Variants in FBLN7 observed in about 807,000 individuals in gnomAD.
The protein encoded by FBLN7 is fibulin-7.
A neutral mutation model predicts 44.0 loss-of-function variants in FBLN7; 31 were observed. The ratio of observed to expected loss-of-function variants is 0.70; its 90% CI spans 0.53 to 0.95. The LOEUF (loss-of-function observed/expected upper bound fraction) is 0.95, where lower values mean the gene tolerates loss of function less well. FBLN7 is among the 40% of genes least tolerant of loss of function. The probability of loss-of-function intolerance (pLI) is 0.00; values close to 1 mark genes in which losing one functional copy is unlikely to be tolerated. For missense variants in FBLN7, 573 were observed against 618.5 expected (o/e 0.93, Z 0.78); for synonymous variants, 262 against 253.4 (o/e 1.03, Z -0.32).
At chr2:112,242,788 G>A in the FBLN7 span, among the ~76,000 whole-genome samples, 1 of 152,264 alleles carries the variant, frequency 6.6e-6, no homozygotes, top group South Asian at 2.1e-4. Context: ...GCTCTCTTCT[G>A]ATTAAAATTA....
intron 4 of FBLN7, among the ~76,000 whole-genome samples, chr2:112,179,729 A>G (rs143617263): frequency 1.4e-3 from 207 of 152,354 alleles, no homozygotes; most frequent in African/African-American, 4.9e-3. Context: ...GCTGACAAAA[A>G]CAAGAATGGG....
the FBLN7 span, chr2:112,240,231 T>G: frequency 6.6e-6 from 1 of 152,254 alleles, no homozygotes; most frequent in African/African-American, 2.4e-5. Context: ...ACAGTTTTAC[T>G]GTAACACCAA....
At chr2:112,203,082 T>TA in the FBLN7 span, among the ~76,000 whole-genome samples, 17 of 152,134 alleles carry the variant, frequency 1.1e-4, no homozygotes, top group Non-Finnish European at 1.5e-5. Flanking sequence ...ATGAAATATC[T>TA]ACAGGGGGCT....
chr2:112,208,678 T>A, the FBLN7 span, among the ~76,000 whole-genome samples: 2 of 152,192 alleles, frequency 1.3e-5, no homozygotes, highest in African/African-American at 2.4e-5. Context: ...TACTACTCTC[T>A]CTCTTTTTAT....
chr2:112,197,166 A>G, the FBLN7 span, among the ~76,000 whole-genome samples: 1 of 150,742 alleles, frequency 6.6e-6, no homozygotes, highest in African/African-American at 2.4e-5. Flanking sequence ...TTATTTAGTA[A>G]TAATGTCTTT....
Position 112,187,491 on chromosome 2 carries a change from C to A in FBLN7, c.1305C>A (p.Ser435=), listed in dbSNP as rs1558899768. Residue 435 remains serine (S), a synonymous_variant, in exon 8 of 8, where the codon TCC becomes TCA. Transcript: ENST00000331203. The surrounding 1 kb of genome is among the most constrained non-coding windows in gnomAD (Gnocchi z 5.1). ...NHVSKVTIFV[S]PYDF ...TGTCCAAGGTCACCATCTTTGTATC[C>A]CCCTATGACTTCTGAGGGTACACAG... is the stretch of plus-strand genomic sequence containing the variant. The A allele has an allele frequency of 1.2e-6, 2 of 1,613,958 alleles. No individual in the cohort carries two copies. The highest frequency in any genetic ancestry group is 8.5e-7 in the Non-Finnish European group (1 of 1,180,012).
chr2:112,239,079 G>T, the FBLN7 span, among the ~76,000 whole-genome samples: 1 of 152,176 alleles, frequency 6.6e-6, no homozygotes, highest in East Asian at 1.9e-4. Context: ...AAGGAATAAA[G>T]AACTACCCTA....
Position 112,187,862 on chromosome 2 carries a change from A to G in FBLN7, c.*356A>G. The stretch of plus-strand genomic sequence containing the variant: ...GAGAGAAAAGGTGGCAATGTGTGTC[A>G]GGTGACTATCAGCCCTTCTGCCTTT... On this transcript the variant is annotated 3_prime_UTR_variant, in exon 8 of 8. Coordinates refer to ENST00000331203, the MANE Select transcript of FBLN7 (RefSeq NM_153214.3). The surrounding 1 kb of genome is among the most constrained non-coding windows in gnomAD (Gnocchi z 5.1). 2.4e-6 allele frequency: 1 copy of G among 414,898 alleles called. No individual in the cohort carries two copies. Among genetic ancestry groups the G allele is most frequent in the Non-Finnish European group, 4.3e-6 (1 of 233,754 alleles). 25.7% of individuals were successfully genotyped at this position (414,898 alleles called of 1,614,324 possible).
chr2:112,170,526 C>T (rs1383074351), intron 3 of FBLN7, among the ~76,000 whole-genome samples: 3 of 134,334 alleles, frequency 2.2e-5, no homozygotes, highest in Admixed American at 8.1e-5. Context: ...GACCCTGTCT[C>T]GAAAGTGAAA....
chr2:112,147,144 T>C (rs1190078596), intron 1 of FBLN7, among the ~76,000 whole-genome samples: 1 of 152,146 alleles, frequency 6.6e-6, no homozygotes, highest in African/African-American at 2.4e-5. Flanking sequence ...CTGAAATGTC[T>C]GGTAGAATTT....
chr2:112,164,345 G>T (rs142563322), intron 2 of FBLN7, among the ~76,000 whole-genome samples: 3 of 152,232 alleles, frequency 2.0e-5, no homozygotes, highest in Non-Finnish European at 4.4e-5. Context: ...AGGAACATAG[G>T]CCAGATGCAT....
chr2:112,210,263 C>A, the FBLN7 span, among the ~76,000 whole-genome samples: 1 of 152,074 alleles, frequency 6.6e-6, no homozygotes, highest in South Asian at 2.1e-4. Flanking sequence ...CAGTAGGTAG[C>A]TGCAGTGGCG....
the FBLN7 span, among the ~76,000 whole-genome samples, chr2:112,243,062 TA>T: frequency 2.6e-5 from 4 of 152,194 alleles, no homozygotes; most frequent in Non-Finnish European, 5.9e-5. Context: ...TAAAACCAGG[TA>T]AATACTTTCC....
the FBLN7 span, among the ~76,000 whole-genome samples, chr2:112,242,363 G>A: frequency 6.6e-6 from 1 of 152,092 alleles, no homozygotes; most frequent in Non-Finnish European, 1.5e-5. Context: ...TTGGAACATA[G>A]GCATACTCAT....
At chr2:112,201,805 T>A in the FBLN7 span, among the ~76,000 whole-genome samples, 1 of 152,196 alleles carries the variant, frequency 6.6e-6, no homozygotes. Flanking sequence ...TTGGCTGAAA[T>A]AAGGAGCATT....
intron 1 of FBLN7, among the ~76,000 whole-genome samples, chr2:112,159,416 C>CT (rs1450505883): frequency 6.6e-6 from 1 of 152,170 alleles, no homozygotes; most frequent in African/African-American, 2.4e-5. Context: ...TTATAAGGCT[C>CT]TTTGGGTTCA....
the FBLN7 span, among the ~76,000 whole-genome samples, chr2:112,229,593 G>A: frequency 6.6e-6 from 1 of 152,132 alleles, no homozygotes; most frequent in Non-Finnish European, 1.5e-5. Flanking sequence ...GGGCAGAACT[G>A]ACCCAGCAGA....
chr2:112,207,168 G>C, the FBLN7 span, among the ~76,000 whole-genome samples: 1 of 152,142 alleles, frequency 6.6e-6, no homozygotes, highest in Admixed American at 6.6e-5. Context: ...ATGAGCACTT[G>C]AAAAGAACGT....
At chr2:112,181,679 A>G (rs962412763) in intron 4 of FBLN7, 60 bp from the exon 5 acceptor site, 19 of 1,346,834 alleles carry the variant, frequency 1.4e-5, no homozygotes, top group African/African-American at 6.2e-5. Context: ...GCCCCTACCC[A>G]AGGTCGGGCC....
Sources: allele counts gnomAD v4.1 joint callset (sites outside exome capture counted in the v4.1 genomes callset), GRCh38; gene constraint gnomAD v4.1.1; non-coding constraint Gnocchi (gnomAD v3.1); transcripts MANE v1.5; gene names NCBI Gene and HGNC (gene_info 2026-07-23, HGNC 2026-07-21).